SPOCK1: variants seen among roughly 807,000 people sequenced by gnomAD.
SPOCK1 encodes the protein SPARC (osteonectin), cwcv and kazal like domains proteoglycan 1.
In SPOCK1, 23 loss-of-function variants were observed where a neutral mutation model predicts 55.3. That is an observed-to-expected ratio of 0.42 (90% CI 0.30 to 0.59). The LOEUF (loss-of-function observed/expected upper bound fraction) is 0.59, where lower values mean the gene tolerates loss of function less well. Among genes scored for constraint, SPOCK1 ranks in the 20% least tolerant of loss-of-function variants. SPOCK1 has a pLI of 0.22. For synonymous variants in SPOCK1, 226 were observed against 221.0 expected (o/e 1.02, Z -0.20); for missense variants, 499 against 552.5 (o/e 0.90, Z 0.97).
chr5:137,280,118 GGACTAGA>G (rs1404484863), intron 2 of SPOCK1, among the ~76,000 whole-genome samples: 3 of 152,014 alleles, frequency 2.0e-5, no homozygotes, highest in African/African-American at 7.2e-5. Flanking sequence ...AGTTTGCAGG[GGACTAGA>G]GAAGCGGAAG....
chr5:137,446,455 C>T (rs572005655), intron 2 of SPOCK1, among the ~76,000 whole-genome samples: 1 of 152,298 alleles, frequency 6.6e-6, no homozygotes, highest in African/African-American at 2.4e-5. Flanking sequence ...CAAAGGCAGT[C>T]TTCCCTTTGG....
chr5:137,287,986 G>A (rs1757299053), intron 2 of SPOCK1, among the ~76,000 whole-genome samples: 1 of 152,184 alleles, frequency 6.6e-6, no homozygotes, highest in Admixed American at 6.5e-5. Flanking sequence ...AGGACAATAA[G>A]AAAAGACCCT....
intron 3 of SPOCK1, among the ~76,000 whole-genome samples, chr5:137,149,182 G>A (rs1420222960): frequency 6.6e-6 from 1 of 152,212 alleles, no homozygotes; most frequent in African/African-American, 2.4e-5. Flanking sequence ...TTCCTTCCGT[G>A]AGGGGTTTCT....
At chr5:137,364,754 C>G (rs1430696178) in intron 2 of SPOCK1, among the ~76,000 whole-genome samples, 1 of 152,174 alleles carries the variant, frequency 6.6e-6, no homozygotes, top group Admixed American at 6.5e-5. Context: ...CATTTTATAC[C>G]AAGGATAGAG....
At chr5:137,071,578 C>G (rs1445713816) in intron 5 of SPOCK1, among the ~76,000 whole-genome samples, 6 of 152,136 alleles carry the variant, frequency 3.9e-5, no homozygotes, top group Non-Finnish European at 8.8e-5. Context: ...TTTTATGTAT[C>G]AAAGACTTTA....
intron 2 of SPOCK1, among the ~76,000 whole-genome samples, chr5:137,481,710 G>A (rs1294347195): frequency 4.6e-5 from 7 of 152,210 alleles, no homozygotes; most frequent in African/African-American, 1.4e-4. Context: ...GATGGGTCAC[G>A]GAGTAGCAAC....
At chr5:137,139,737 G>A (rs975830732) in intron 4 of SPOCK1, among the ~76,000 whole-genome samples, 1 of 152,116 alleles carries the variant, frequency 6.6e-6, no homozygotes, top group Admixed American at 6.5e-5. Context: ...GCAGCACAGG[G>A]AGAAGTGCAG....
chr5:137,259,310 TA>T (rs1237395720), intron 3 of SPOCK1, among the ~76,000 whole-genome samples: 3 of 152,054 alleles, frequency 2.0e-5, no homozygotes, highest in Non-Finnish European at 2.9e-5. Context: ...TATACAGCCA[TA>T]AAAAAGGATG....
chr5:137,307,635 C>T (rs1280252337), intron 2 of SPOCK1, among the ~76,000 whole-genome samples: 1 of 152,220 alleles, frequency 6.6e-6, no homozygotes, highest in Admixed American at 6.5e-5. Context: ...ACCTACAGAA[C>T]ACAGAGCAAA....
At chr5:137,468,913 C>A (rs1452723690) in intron 2 of SPOCK1, among the ~76,000 whole-genome samples, 1 of 152,174 alleles carries the variant, frequency 6.6e-6, no homozygotes, top group Non-Finnish European at 1.5e-5. Flanking sequence ...CCCTCACCCA[C>A]CTCATCACAA....
At chr5:137,244,562 C>A (rs1756358409) in intron 3 of SPOCK1, among the ~76,000 whole-genome samples, 1 of 152,158 alleles carries the variant, frequency 6.6e-6, no homozygotes, top group South Asian at 2.1e-4. Context: ...ACACAGTAAT[C>A]AATTTTGAAT....
At chr5:137,476,432 T>A (rs942069527) in intron 2 of SPOCK1, among the ~76,000 whole-genome samples, 1 of 152,214 alleles carries the variant, frequency 6.6e-6, no homozygotes, top group African/African-American at 2.4e-5. Flanking sequence ...AAGTCAGCAT[T>A]GTGTTTTAGA....
chr5:137,174,554 C>T (rs1403265979), intron 3 of SPOCK1, among the ~76,000 whole-genome samples: 1 of 152,252 alleles, frequency 6.6e-6, no homozygotes, highest in Non-Finnish European at 1.5e-5. Flanking sequence ...ATGAGCAGTG[C>T]ACCCCAGTGC....
intron 5 of SPOCK1, among the ~76,000 whole-genome samples, chr5:137,083,095 C>A (rs1237904859): frequency 1.3e-5 from 2 of 152,178 alleles, no homozygotes; most frequent in African/African-American, 2.4e-5. Flanking sequence ...TCTCATGGTG[C>A]CTGTTGCAAT....
At position 137,379,432 on chromosome 5, in the gene SPOCK1, C is replaced by T. The variant is rs570596138; in HGVS notation, c.187-112377G>A. Among the ~76,000 whole-genome samples the T allele has an allele frequency of 6.6e-5, 10 of 152,042 alleles. 1 individual carries two copies. In the South Asian group the frequency reaches 2.1e-3, roughly 32 times the overall value. ...AGAAAAAAAAGTCCTGGGTAATATGCGAATGCATTTCTGAGACATCCTGTG... is the reference window on the plus strand; with the variant it reads ...AGAAAAAAAAGTCCTGGGTAATATGTGAATGCATTTCTGAGACATCCTGTG... On this transcript the variant is annotated intron_variant, in intron 2 of 10. Coordinates refer to ENST00000394945, the MANE Select transcript of SPOCK1 (RefSeq NM_004598.4).
chr5:137,420,245 G>A (rs1356707679), intron 2 of SPOCK1, among the ~76,000 whole-genome samples: 2 of 152,180 alleles, frequency 1.3e-5, no homozygotes, highest in Non-Finnish European at 2.9e-5. Context: ...AGGGATATTG[G>A]TCTAAAATTC....
At chr5:137,490,037 C>A (rs963305761) in intron 2 of SPOCK1, among the ~76,000 whole-genome samples, 4 of 152,238 alleles carry the variant, frequency 2.6e-5, no homozygotes, top group Admixed American at 1.3e-4. Flanking sequence ...CCATACTAGA[C>A]CATAAATGCC....
intron 2 of SPOCK1, among the ~76,000 whole-genome samples, chr5:137,371,581 A>G (rs1751203419): frequency 6.6e-6 from 1 of 152,296 alleles, no homozygotes; most frequent in East Asian, 1.9e-4. Context: ...TACCAATACA[A>G]ATGAGGAGCC....
At chr5:137,094,230 T>C (rs1753100578) in intron 5 of SPOCK1, among the ~76,000 whole-genome samples, 1 of 152,158 alleles carries the variant, frequency 6.6e-6, no homozygotes, top group South Asian at 2.1e-4. Context: ...AGCTCTGTTT[T>C]GGACACATTG....
Sources: allele counts gnomAD v4.1 joint callset (sites outside exome capture counted in the v4.1 genomes callset), GRCh38; gene constraint gnomAD v4.1.1; transcripts MANE v1.5; gene names NCBI Gene and HGNC (gene_info 2026-07-23, HGNC 2026-07-21).